The following IL1RAPL1 variants were observed in gnomAD, a reference collection of about 807,000 sequenced individuals.
IL1RAPL1 encodes the protein interleukin 1 receptor accessory protein like 1.
A neutral mutation model predicts 48.4 loss-of-function variants in IL1RAPL1; 3 were observed. That is an observed-to-expected ratio of 0.06 (90% CI 0.03 to 0.16). IL1RAPL1 has a LOEUF of 0.16. IL1RAPL1 is among the 10% of genes least tolerant of loss of function. The pLI is 1.00. For missense variants in IL1RAPL1, 349 were observed against 530.6 expected (o/e 0.66, Z 3.36); for synonymous variants, 185 against 187.7 (o/e 0.99, Z 0.12).
intron 2 of IL1RAPL1, among the ~76,000 whole-genome samples, chrX:28,954,420 A>T (rs979802408): frequency 9.1e-6 from 1 of 109,667 alleles, no homozygotes; most frequent in African/African-American, 3.3e-5. Context: ...TCTACCTCTC[A>T]GCTTTTTTTC....
At chrX:29,318,748 A>G (rs1932779611) in intron 3 of IL1RAPL1, among the ~76,000 whole-genome samples, 1 of 112,442 alleles carries the variant, frequency 8.9e-6, no homozygotes, top group Non-Finnish European at 1.9e-5. Context: ...GACAGGAATA[A>G]CTGTGATACC....
chrX:29,146,509 C>CA (rs1472981685), intron 2 of IL1RAPL1, among the ~76,000 whole-genome samples: 3 of 111,358 alleles, frequency 2.7e-5, no homozygotes, highest in Non-Finnish European at 3.8e-5. Context: ...AAAGTAAACT[C>CA]TATTAAGGCA....
chrX:29,885,748 G>A (rs1231004239), intron 6 of IL1RAPL1, among the ~76,000 whole-genome samples: 2 of 111,792 alleles, frequency 1.8e-5, no homozygotes, highest in East Asian at 5.6e-4. Flanking sequence ...GAGCCCAGGT[G>A]TTCGAGGATG....
At position 29,743,364 on chromosome X, in the gene IL1RAPL1, G is replaced by A. The variant is rs1035719541; in HGVS notation, c.778+74860G>A. Among the ~76,000 whole-genome samples the A allele has an allele frequency of 1.1e-4, 12 of 108,965 alleles. No homozygotes were observed. The East Asian group carries it at 1.7e-3, about 15-fold the overall frequency. 94.6% of individuals were successfully genotyped at this position (108,965 alleles called of 115,157 possible). On this transcript the variant is annotated intron_variant, in intron 6 of 10. Coordinates refer to ENST00000378993, the MANE Select transcript of IL1RAPL1 (RefSeq NM_014271.4). ...GTACTGCAATCATTATTATGTCTTC[G>A]GTTAACTTTACAATGAAAAGCTTCT...
intron 6 of IL1RAPL1, among the ~76,000 whole-genome samples, chrX:29,766,030 A>C (rs1478109225): frequency 9.1e-6 from 1 of 109,783 alleles, no homozygotes; most frequent in Non-Finnish European, 1.9e-5. Context: ...AAAAATATAA[A>C]TTTTTAAAAA....
Position 29,491,312 on chromosome X carries a change from TA to T in IL1RAPL1, c.703+92008del, listed in dbSNP as rs762152563. On this transcript the variant is annotated intron_variant, in intron 5 of 10. Transcript: ENST00000378993. ...ATTAATTGTGATAAAGCTATCTTGA[TA>T]AAACTTATTCCTCACTTAAGTGAAA... 4.4e-5 allele frequency among the ~76,000 whole-genome samples: 5 copies of T among 112,489 alleles called. No individual in the cohort carries two copies. In the South Asian group the frequency reaches 1.1e-3, roughly 25 times the overall value.
chrX:29,634,044 G>A (rs947382144), intron 5 of IL1RAPL1, among the ~76,000 whole-genome samples: 2 of 111,867 alleles, frequency 1.8e-5, no homozygotes, highest in African/African-American at 6.5e-5. Flanking sequence ...TAAAAATATT[G>A]TACAGACAAG....
At chrX:28,872,890 A>G (rs745390448) in intron 2 of IL1RAPL1, among the ~76,000 whole-genome samples, 8 of 111,908 alleles carry the variant, frequency 7.1e-5, no homozygotes, top group African/African-American at 2.3e-4. Context: ...ATTATTGTCT[A>G]TAAGCCCTAT....
chrX:29,449,780 C>CACACAG (rs557765024), intron 5 of IL1RAPL1, among the ~76,000 whole-genome samples: 4 of 58,247 alleles, frequency 6.9e-5, no homozygotes, highest in African/African-American at 2.2e-4. Context: ...CACACACACA[C>CACACAG]AGAGAGAGAG....
intron 5 of IL1RAPL1, among the ~76,000 whole-genome samples, chrX:29,562,051 TC>T (rs1396111490): frequency 7.8e-5 from 8 of 102,833 alleles, no homozygotes; most frequent in African/African-American, 3.1e-4. Context: ...TATCTATCTA[TC>T]TATCTATCTA....
intron 1 of IL1RAPL1, among the ~76,000 whole-genome samples, chrX:28,641,144 C>T (rs916400453): frequency 5.5e-5 from 6 of 108,865 alleles, no homozygotes; most frequent in African/African-American, 1.3e-4. Context: ...ATACACATGC[C>T]GTGGTGGTTT....
At chrX:28,936,776 A>G (rs1340690990) in intron 2 of IL1RAPL1, among the ~76,000 whole-genome samples, 1 of 110,181 alleles carries the variant, frequency 9.1e-6, no homozygotes, top group Non-Finnish European at 1.9e-5. Flanking sequence ...TTGAGTTCAG[A>G]TTTTCCTTTC....
chrX:29,406,812 C>T (rs973205458), intron 5 of IL1RAPL1, among the ~76,000 whole-genome samples: 11 of 111,836 alleles, frequency 9.8e-5, no homozygotes, highest in Non-Finnish European at 1.9e-5. Context: ...ATTTTTAATA[C>T]GTCATCCCAG....
intron 6 of IL1RAPL1, among the ~76,000 whole-genome samples, chrX:29,804,504 TAGTG>T (rs887070546): frequency 2.7e-5 from 3 of 111,278 alleles, no homozygotes; most frequent in Non-Finnish European, 5.7e-5. Flanking sequence ...GTTTTTGTGG[TAGTG>T]AGTAAGTCTC....
intron 2 of IL1RAPL1, among the ~76,000 whole-genome samples, chrX:29,198,538 C>G (rs1930490422): frequency 9.0e-6 from 1 of 110,859 alleles, no homozygotes; most frequent in African/African-American, 3.3e-5. Context: ...TCATGATCCA[C>G]CCACCTCTGC....
At chrX:28,590,363 C>G (rs777099062) in intron 1 of IL1RAPL1, among the ~76,000 whole-genome samples, 1 of 111,163 alleles carries the variant, frequency 9.0e-6, no homozygotes, top group African/African-American at 3.3e-5. Context: ...TTCTCATATT[C>G]CATTTCCTTC....
rs1424499661 is a variant in IL1RAPL1 at position 28,699,116 on chromosome X, C to G, written c.-24-90204C>G. On this transcript the variant is annotated intron_variant, in intron 1 of 10. Coordinates refer to ENST00000378993, the MANE Select transcript of IL1RAPL1 (RefSeq NM_014271.4). The stretch of plus-strand genomic sequence containing the variant: ...AAGTCACTATTCATAAATGCACATG[C>G]AACAGATGGTTTATATTAGATCATG... 4.5e-5 allele frequency among the ~76,000 whole-genome samples: 5 copies of G among 112,131 alleles called. No individual in the cohort carries two copies. In the East Asian group the frequency reaches 1.4e-3, roughly 31 times the overall value.
At chrX:29,247,954 AC>A (rs1428158049) in intron 2 of IL1RAPL1, among the ~76,000 whole-genome samples, 1 of 111,696 alleles carries the variant, frequency 9.0e-6, no homozygotes, top group Non-Finnish European at 1.9e-5. Context: ...TTAGTGGAAC[AC>A]ACTAGGGTTC....
At chrX:29,933,724 G>A (rs1217667213) in intron 8 of IL1RAPL1, among the ~76,000 whole-genome samples, 1 of 107,256 alleles carries the variant, frequency 9.3e-6, no homozygotes, top group East Asian at 2.9e-4. Flanking sequence ...CCCAGTGGAA[G>A]ACAAATAATA....
Sources: gnomAD v4.1 joint callset for allele counts (sites outside exome capture counted in the v4.1 genomes callset) on GRCh38, gnomAD v4.1.1 for gene constraint, MANE v1.5 for transcripts, NCBI Gene and HGNC (gene_info 2026-07-23, HGNC 2026-07-21) for gene names.